Variants in RGS7BP observed in about 807,000 individuals in gnomAD.
RGS7BP encodes the protein regulator of G protein signaling 7-binding protein.
RGS7BP carries 9 observed loss-of-function variants against 31.3 expected under a neutral mutation model. The observed-to-expected ratio is 0.29, with a 90% CI of 0.17 to 0.50. The LOEUF is 0.50. RGS7BP is among the 20% of genes least tolerant of loss of function. RGS7BP has a pLI of 0.98. For synonymous variants in RGS7BP, 115 were observed against 120.1 expected (o/e 0.96, Z 0.28); for missense variants, 274 against 322.0 (o/e 0.85, Z 1.14).
At chr5:64,571,354 G>A (rs1460372191) in intron 2 of RGS7BP, among the ~76,000 whole-genome samples, 1 of 151,930 alleles carries the variant, frequency 6.6e-6, no homozygotes, top group African/African-American at 2.4e-5. Flanking sequence ...TTCCACTTTG[G>A]GGTTAATCTA....
At chr5:64,556,416 GCC>G (rs1741925564) in intron 2 of RGS7BP, among the ~76,000 whole-genome samples, 3 of 72,486 alleles carry the variant, frequency 4.1e-5, no homozygotes, top group African/African-American at 1.6e-4. Flanking sequence ...ATCTTCCCCA[GCC>G]ACACACACAC....
chr5:64,575,991 A>T, intron 3 of RGS7BP, 87 bp downstream of exon 3: 1 of 1,140,116 alleles, frequency 8.8e-7, no homozygotes, highest in African/African-American at 1.6e-5. Flanking sequence ...ACCATATCAT[A>T]TGCCTATCTA....
intron 2 of RGS7BP, among the ~76,000 whole-genome samples, chr5:64,557,643 C>G (rs1741959963): frequency 6.6e-6 from 1 of 152,124 alleles, no homozygotes; most frequent in Non-Finnish European, 1.5e-5. Flanking sequence ...GTATCCCCTG[C>G]CTTTCCCAGT....
At chr5:64,550,845 C>T (rs1273518107) in intron 2 of RGS7BP, among the ~76,000 whole-genome samples, 1 of 150,428 alleles carries the variant, frequency 6.6e-6, no homozygotes, top group Non-Finnish European at 1.5e-5. Context: ...GTTTTTTGTC[C>T]TTGCGATAGT....
intron 2 of RGS7BP, among the ~76,000 whole-genome samples, chr5:64,514,443 C>A (rs1471506389): frequency 6.6e-6 from 1 of 152,112 alleles, no homozygotes; most frequent in Non-Finnish European, 1.5e-5. Flanking sequence ...TTACCTAGGA[C>A]TTTCTGTATA....
chr5:64,582,178 G>A (rs766423349), intron 3 of RGS7BP, among the ~76,000 whole-genome samples: 2 of 152,174 alleles, frequency 1.3e-5, no homozygotes, highest in Non-Finnish European at 2.9e-5. Context: ...CCATTACTGA[G>A]TCCATGTATC....
chr5:64,563,898 T>C (rs960478594), intron 2 of RGS7BP, among the ~76,000 whole-genome samples: 13 of 152,218 alleles, frequency 8.5e-5, no homozygotes, highest in African/African-American at 2.7e-4. Context: ...CTGTGTCTTT[T>C]TAGTCTAAAC....
intron 2 of RGS7BP, among the ~76,000 whole-genome samples, chr5:64,542,046 C>T (rs1054737290): frequency 6.6e-6 from 1 of 152,094 alleles, no homozygotes; most frequent in Admixed American, 6.5e-5. Context: ...ATTTTCACAG[C>T]GCTATTTTTT....
At chr5:64,517,953 T>A (rs1749016766) in intron 2 of RGS7BP, among the ~76,000 whole-genome samples, 1 of 152,032 alleles carries the variant, frequency 6.6e-6, no homozygotes, top group African/African-American at 2.4e-5. Context: ...AAGAAAAAAT[T>A]TCATCAAGGA....
At chr5:64,507,998 G>T in intron 2 of RGS7BP, 121 bp downstream of exon 2, 2 of 837,676 alleles carry the variant, frequency 2.4e-6, no homozygotes, top group South Asian at 1.9e-5. Context: ...CCTTAAGATC[G>T]AAATTCTCTA....
At chr5:64,507,457 G>C (rs1580379247) in intron 1 of RGS7BP, among the ~76,000 whole-genome samples, 1 of 152,270 alleles carries the variant, frequency 6.6e-6, no homozygotes, top group East Asian at 1.9e-4. Flanking sequence ...AACTGAGTCT[G>C]AAAGGGTGAG....
intron 5 of RGS7BP, among the ~76,000 whole-genome samples, chr5:64,606,140 T>C (rs1743359216): frequency 6.6e-6 from 1 of 151,268 alleles, no homozygotes. Context: ...TCCACTGTAG[T>C]GAGTGCATCA....
intron 2 of RGS7BP, among the ~76,000 whole-genome samples, chr5:64,562,634 C>T (rs1742081056): frequency 6.6e-6 from 1 of 152,156 alleles, no homozygotes. Flanking sequence ...CCTCCCCCAG[C>T]ACTGTTGTTG....
chr5:64,510,869 C>T (rs1484608234), intron 2 of RGS7BP, among the ~76,000 whole-genome samples: 1 of 152,166 alleles, frequency 6.6e-6, no homozygotes. Flanking sequence ...AGACACCTGC[C>T]TCATGGCTAT....
At chr5:64,594,017 T>C (rs1248854420) in intron 3 of RGS7BP, among the ~76,000 whole-genome samples, 4 of 152,188 alleles carry the variant, frequency 2.6e-5, no homozygotes, top group Admixed American at 1.3e-4. Flanking sequence ...TACTGATTTA[T>C]TCAGTTGAGA....
At position 64,521,089 on chromosome 5, in the gene RGS7BP, G is replaced by A. The variant is rs530674502; in HGVS notation, c.332+13212G>A. Among the ~76,000 whole-genome samples, 95 of 152,180 alleles carry A rather than the reference G, an allele frequency of 6.2e-4. 4 individuals carry two copies. In the South Asian group the frequency reaches 0.02, roughly 31 times the overall value. ...TCCCTCATGAGATTTCTAGTTTCCAGCCAAAATGACTGATTGTTAGGGCTT... is the reference window on the plus strand; with the variant it reads ...TCCCTCATGAGATTTCTAGTTTCCAACCAAAATGACTGATTGTTAGGGCTT... On this transcript the variant is annotated intron_variant, in intron 2 of 5. Coordinates refer to ENST00000334025, the MANE Select transcript of RGS7BP (RefSeq NM_001029875.3).
At chr5:64,578,759 T>C (rs991932356) in intron 3 of RGS7BP, among the ~76,000 whole-genome samples, 7 of 152,230 alleles carry the variant, frequency 4.6e-5, no homozygotes, top group Non-Finnish European at 7.3e-5. Flanking sequence ...ATCTGTGTGA[T>C]GGCTCATACA....
intron 2 of RGS7BP, among the ~76,000 whole-genome samples, chr5:64,518,136 T>C (rs1160395311): frequency 6.6e-6 from 1 of 152,178 alleles, no homozygotes; most frequent in Non-Finnish European, 1.5e-5. Flanking sequence ...ATATAAACAA[T>C]GTTATACATA....
At position 64,569,225 on chromosome 5, in the gene RGS7BP, G is replaced by A. The variant is rs541111297; in HGVS notation, c.333-6549G>A. 8.2e-4 allele frequency among the ~76,000 whole-genome samples: 125 copies of A among 152,142 alleles called. 1 individual carries two copies. The highest frequency in any genetic ancestry group is 3.0e-3 in the African/African-American group (124 of 41,504). On this transcript the variant is annotated intron_variant, in intron 2 of 5. Coordinates refer to ENST00000334025, the MANE Select transcript of RGS7BP (RefSeq NM_001029875.3). The stretch of plus-strand genomic sequence containing the variant: ...ATGAAACAACATGCTGTGAAGAGAG[G>A]GGAATTACTGCAATTATTCTTCAAA...
Sources: allele counts gnomAD v4.1 joint callset (sites outside exome capture counted in the v4.1 genomes callset), GRCh38; gene constraint gnomAD v4.1.1; transcripts MANE v1.5; gene names NCBI Gene and HGNC (gene_info 2026-07-23, HGNC 2026-07-21).